Variants in TRAPPC9 observed in about 807,000 individuals in gnomAD.
The protein encoded by TRAPPC9 is IKK2 binding protein.
TRAPPC9 carries 83 observed loss-of-function variants against 124.0 expected under a neutral mutation model. The observed-to-expected ratio is 0.67, with a 90% CI of 0.56 to 0.80. TRAPPC9 has a LOEUF of 0.80. Ranked by LOEUF, TRAPPC9 falls within the 30% of genes least tolerant of loss-of-function variation. The pLI is 0.00. For synonymous variants in TRAPPC9, 638 were observed against 617.5 expected (o/e 1.03, Z -0.49); for missense variants, 1,302 against 1,508.3 (o/e 0.86, Z 2.27).
intron 8 of TRAPPC9, among the ~76,000 whole-genome samples, chr8:140,370,202 C>T (rs777024667): frequency 2.4e-4 from 36 of 151,758 alleles, no homozygotes; most frequent in African/African-American, 7.3e-4. Context: ...TGCAGTAGCA[C>T]GATCCCAGCT....
At chr8:140,003,208 G>A (rs1038378289) in intron 18 of TRAPPC9, among the ~76,000 whole-genome samples, 26 of 152,014 alleles carry the variant, frequency 1.7e-4, no homozygotes, top group Non-Finnish European at 2.9e-4. Context: ...ACTTAAAAAG[G>A]TACTTTACCA....
At chr8:139,880,394 G>C (rs540598614) in intron 21 of TRAPPC9, among the ~76,000 whole-genome samples, 12 of 152,156 alleles carry the variant, frequency 7.9e-5, no homozygotes, top group Non-Finnish European at 1.5e-5. Flanking sequence ...CATTGGGGAG[G>C]GGGCTGGAGT....
intron 19 of TRAPPC9, among the ~76,000 whole-genome samples, chr8:139,928,299 C>T (rs1832926407): frequency 6.6e-6 from 1 of 152,154 alleles, no homozygotes; most frequent in African/African-American, 2.4e-5. Context: ...CGAGACTAGC[C>T]TGGCCAACAT....
intron 21 of TRAPPC9, among the ~76,000 whole-genome samples, chr8:139,777,959 A>C (rs1821507867): frequency 6.6e-6 from 1 of 152,178 alleles, no homozygotes; most frequent in African/African-American, 2.4e-5. Context: ...AATACTGGAA[A>C]GGAGACAAGA....
chr8:140,387,057 GA>G (rs2068773900), intron 7 of TRAPPC9, among the ~76,000 whole-genome samples: 1 of 152,106 alleles, frequency 6.6e-6, no homozygotes, highest in African/African-American at 2.4e-5. Context: ...ACAAAAACAA[GA>G]AATGGGGAAA....
chr8:139,897,781 T>C (rs906361619), intron 20 of TRAPPC9, among the ~76,000 whole-genome samples: 1 of 152,208 alleles, frequency 6.6e-6, no homozygotes, highest in Non-Finnish European at 1.5e-5. Flanking sequence ...ACTCCTCCCA[T>C]GAATCCGTGT....
intron 17 of TRAPPC9, among the ~76,000 whole-genome samples, chr8:140,208,064 C>T (rs564371036): frequency 1.3e-5 from 2 of 151,876 alleles, no homozygotes; most frequent in African/African-American, 4.8e-5. Flanking sequence ...GCAGGAGAAT[C>T]GCTTGAACCC....
At chr8:140,176,243 G>A (rs1321208640) in intron 17 of TRAPPC9, among the ~76,000 whole-genome samples, 1 of 152,162 alleles carries the variant, frequency 6.6e-6, no homozygotes, top group Non-Finnish European at 1.5e-5. Context: ...ACGTACTGGT[G>A]TATCCACTTG....
At chr8:139,858,216 A>C (rs532059740) in intron 21 of TRAPPC9, among the ~76,000 whole-genome samples, 39 of 152,344 alleles carry the variant, frequency 2.6e-4, no homozygotes, top group Admixed American at 9.1e-4. Context: ...AACAACAACA[A>C]CAACAAAGAA....
intron 10 of TRAPPC9, among the ~76,000 whole-genome samples, chr8:140,305,732 T>C (rs2066112121): frequency 6.6e-6 from 1 of 152,238 alleles, no homozygotes; most frequent in African/African-American, 2.4e-5. Context: ...TAAGGTGACA[T>C]CTAATTAGAG....
chr8:140,130,043 G>A (rs543605241), intron 17 of TRAPPC9, among the ~76,000 whole-genome samples: 13 of 152,278 alleles, frequency 8.5e-5, no homozygotes, highest in East Asian at 7.7e-4. Context: ...AGCATCTCAC[G>A]CCAGAAAGCA....
At chr8:140,203,834 G>A (rs1325258647) in intron 17 of TRAPPC9, among the ~76,000 whole-genome samples, 2 of 152,020 alleles carry the variant, frequency 1.3e-5, no homozygotes, top group African/African-American at 4.8e-5. Flanking sequence ...GGTACCAGGA[G>A]TGGTGGAAGG....
intron 19 of TRAPPC9, among the ~76,000 whole-genome samples, chr8:139,946,856 G>A (rs1287736421): frequency 8.6e-5 from 13 of 151,864 alleles, no homozygotes; most frequent in Admixed American, 2.6e-4. Flanking sequence ...GCATGGTGGC[G>A]GGCGCCTCTA....
chr8:140,133,171 AGGAAGCC>A, intron 17 of TRAPPC9, among the ~76,000 whole-genome samples: 1 of 152,350 alleles, frequency 6.6e-6, no homozygotes, highest in South Asian at 2.1e-4. Flanking sequence ...ATAAAATACT[AGGAAGCC>A]AAACTGAACA....
intron 19 of TRAPPC9, among the ~76,000 whole-genome samples, chr8:139,952,036 A>G (rs570384144): frequency 7.2e-5 from 11 of 152,204 alleles, no homozygotes; most frequent in Non-Finnish European, 1.5e-4. Flanking sequence ...CTTTCTAAGG[A>G]GTAAGGTGAA....
intron 9 of TRAPPC9, among the ~76,000 whole-genome samples, chr8:140,331,049 AC>A (rs1365624483): frequency 1.3e-5 from 2 of 152,162 alleles, no homozygotes; most frequent in African/African-American, 4.8e-5. Context: ...AGGAGGCATC[AC>A]ATTACCTGAC....
At chr8:140,426,749 C>T in intron 4 of TRAPPC9, 108 bp from the exon 5 acceptor site, 2 of 1,115,792 alleles carry the variant, frequency 1.8e-6, no homozygotes, top group South Asian at 2.6e-5. Context: ...AAAAATCTGA[C>T]TTGTATCTGA....
At chr8:140,266,777 G>A (rs935854247) in intron 15 of TRAPPC9, among the ~76,000 whole-genome samples, 12 of 148,750 alleles carry the variant, frequency 8.1e-5, no homozygotes, top group Non-Finnish European at 1.8e-4. Flanking sequence ...GGAGAATGGT[G>A]TGAACCCGGG....
intron 21 of TRAPPC9, among the ~76,000 whole-genome samples, chr8:139,753,320 C>T (rs1819490301): frequency 7.3e-6 from 1 of 136,784 alleles, no homozygotes; most frequent in African/African-American, 2.6e-5. Flanking sequence ...ATCCATCCAC[C>T]ATCCACCCAT....
Sources: allele counts gnomAD v4.1 joint callset (sites outside exome capture counted in the v4.1 genomes callset), GRCh38; gene constraint gnomAD v4.1.1; transcripts MANE v1.5; gene names NCBI Gene and HGNC (gene_info 2026-07-23, HGNC 2026-07-21).